Variants in KRIT1 observed in about 807,000 individuals in gnomAD.
KRIT1 encodes the protein krev interaction trapped protein 1.
Under a neutral mutation model 95.8 loss-of-function variants are expected in KRIT1, and 45 were observed. That is an observed-to-expected ratio of 0.47 (90% CI 0.37 to 0.60). KRIT1 has a LOEUF of 0.60. Ranked by LOEUF, KRIT1 falls within the 20% of genes least tolerant of loss-of-function variation. KRIT1 has a pLI of 0.00. For missense variants in KRIT1, 788 were observed against 877.5 expected (o/e 0.90, Z 1.29); for synonymous variants, 282 against 278.8 (o/e 1.01, Z -0.11).
chr7:92,211,447 T>C (rs879716083), intron 17 of KRIT1, among the ~76,000 whole-genome samples: 2 of 152,184 alleles, frequency 1.3e-5, no homozygotes, highest in Non-Finnish European at 2.9e-5. Flanking sequence ...TATGTTCTCA[T>C]ATACGTGAGA....
chr7:92,241,338 T>A (rs981848620), intron 4 of KRIT1, among the ~76,000 whole-genome samples, 186 bp from the exon 5 acceptor site: 2 of 152,154 alleles, frequency 1.3e-5, no homozygotes, highest in South Asian at 4.1e-4. Flanking sequence ...GTTCTTACAG[T>A]TTTAAGATGC....
At chr7:92,215,212 T>C (rs993283147) in intron 14 of KRIT1, among the ~76,000 whole-genome samples, 1 of 152,194 alleles carries the variant, frequency 6.6e-6, no homozygotes, top group Non-Finnish European at 1.5e-5. Context: ...GCTGACCTGG[T>C]TGTCTAACAA....
rs1193658097 is a variant in KRIT1, at chr7:92,213,130, G to A, written c.2025+65C>T. The A allele has an allele frequency of 6.5e-6, 7 of 1,076,314 alleles. No individual in the cohort carries two copies. In the African/African-American group the frequency reaches 9.3e-5, roughly 14 times the overall value. The allele number at this position is 1,076,314 out of a possible 1,614,324, so 66.7% of individuals were successfully genotyped here. On this transcript the variant is annotated intron_variant, in intron 17 of 18. Coordinates refer to ENST00000394505, the MANE Select transcript of KRIT1 (RefSeq NM_194454.3). ...TATATGCCATTTCTAAATTCTTCAT[G>A]TAGGTTGGTACTGTTGTTTTAACTA...
chr7:92,216,745 C>T (rs1044602413), intron 14 of KRIT1, among the ~76,000 whole-genome samples: 1 of 151,964 alleles, frequency 6.6e-6, no homozygotes, highest in Non-Finnish European at 1.5e-5. Context: ...TTTTAATATG[C>T]CTATGGCTTT....
rs751635299 is a variant in KRIT1 at position 92,235,656 on chromosome 7, TA to T, written c.486-11del. ...ACGTTCATCTAACCACCTGGCAAAA[TA>T]AAAAAACAGGTAGAAGTAGCCATTC... On this transcript the variant is annotated splice_polypyrimidine_tract_variant and intron_variant, in intron 7 of 18. Coordinates refer to ENST00000394505, the MANE Select transcript of KRIT1 (RefSeq NM_194454.3). 1.2e-6 allele frequency: 2 copies of T among 1,613,096 alleles called. No individual in the cohort carries two copies. The highest frequency in any genetic ancestry group is 2.2e-5 in the East Asian group (1 of 44,836).
At chr7:92,246,065 T>G (rs1800950114), upstream of KRIT1, 1 of 279,102 alleles carries the variant, frequency 3.6e-6, no homozygotes, top group Admixed American at 6.1e-5. Context: ...GAGACTAGGG[T>G]GGTGGCGGTG....
At chr7:92,224,717 T>C (rs1304602024) in intron 12 of KRIT1, among the ~76,000 whole-genome samples, 1 of 152,198 alleles carries the variant, frequency 6.6e-6, no homozygotes, top group African/African-American at 2.4e-5. Flanking sequence ...TGGAAACACC[T>C]ATTTTACTTT....
intron 4 of KRIT1, among the ~76,000 whole-genome samples, chr7:92,241,526 T>C (rs1230568614): frequency 1.3e-5 from 2 of 152,138 alleles, no homozygotes; most frequent in Admixed American, 6.5e-5. Context: ...TTGAAATCTG[T>C]TGCATAAAAA....
intron 13 of KRIT1, 62 bp downstream of exon 13, chr7:92,222,760 T>C: frequency 1.0e-6 from 1 of 994,166 alleles, no homozygotes. Context: ...TTGTATTTTC[T>C]ACCAACCCAC....
chr7:92,202,735 TAAAA>T (rs1470246079), intron 17 of KRIT1, among the ~76,000 whole-genome samples: 2 of 152,070 alleles, frequency 1.3e-5, no homozygotes, highest in African/African-American at 2.4e-5. Context: ...AATAAATAAA[TAAAA>T]TAAATAAAGT....
chr7:92,240,865 T>A (rs1799465422), intron 5 of KRIT1, 128 bp downstream of exon 5: 3 of 798,544 alleles, frequency 3.8e-6, no homozygotes, highest in East Asian at 5.3e-5. Context: ...AACACTTGAG[T>A]TTTTTTGCAA....
chr7:92,216,352 T>C (rs1157564507), intron 14 of KRIT1, among the ~76,000 whole-genome samples: 2 of 150,464 alleles, frequency 1.3e-5, no homozygotes, highest in African/African-American at 4.9e-5. Context: ...TACTCTATTA[T>C]TAAATATTAA....
At chr7:92,229,861 CT>C (rs1171565686) in intron 10 of KRIT1, among the ~76,000 whole-genome samples, 1 of 152,092 alleles carries the variant, frequency 6.6e-6, no homozygotes, top group Non-Finnish European at 1.5e-5. Context: ...AGATAAGTGA[CT>C]GAAATGTTTA....
chr7:92,229,210 GTA>G (rs1339535085), intron 10 of KRIT1, among the ~76,000 whole-genome samples: 1 of 152,166 alleles, frequency 6.6e-6, no homozygotes, highest in Non-Finnish European at 1.5e-5. Flanking sequence ...CCCACCAACA[GTA>G]TATAAGCGTT....
At position 92,241,029 on chromosome 7, in the gene KRIT1, T is replaced by A; in HGVS notation, c.226A>T (p.Thr76Ser). ...TGGTTTGCAGGAGAAATTGGTTTGG[T>A]GGTTTCTACTACGTAATCCAATATG... ...QGILDYVVET[T>S]KPISPANQGI... The change falls in exon 5 of 19, where the codon ACC becomes TCC. Residue 76 changes from threonine (T) to serine (S), a missense_variant. Thr to Ser is a moderately conservative substitution (Grantham distance 58, BLOSUM62 1). Transcript: ENST00000394505. The A allele has an allele frequency of 1.2e-6, 2 of 1,613,068 alleles. No homozygotes were observed. The highest frequency in any genetic ancestry group is 1.7e-6 in the Non-Finnish European group (2 of 1,179,026).
chr7:92,246,036 G>A (rs1563337676), upstream of KRIT1: 1 of 266,866 alleles, frequency 3.7e-6, no homozygotes, highest in Non-Finnish European at 7.3e-6. Flanking sequence ...TCTCTCAGGG[G>A]CTGGTGGCAG....
intron 12 of KRIT1, among the ~76,000 whole-genome samples, chr7:92,224,243 TGTTA>T (rs1428867350): frequency 2.0e-5 from 3 of 152,242 alleles, no homozygotes; most frequent in African/African-American, 7.2e-5. Context: ...GGGTTATATC[TGTTA>T]GTATAAACCC....
At chr7:92,218,766 C>T (rs548533495) in intron 14 of KRIT1, among the ~76,000 whole-genome samples, 1 of 152,142 alleles carries the variant, frequency 6.6e-6, no homozygotes, top group East Asian at 1.9e-4. Context: ...CTATGATTTG[C>T]TAATATTTTC....
chr7:92,213,793 G>T, intron 16 of KRIT1, 99 bp downstream of exon 16: 1 of 756,526 alleles, frequency 1.3e-6, no homozygotes, highest in Non-Finnish European at 2.4e-6. Flanking sequence ...TTAATTTCAG[G>T]ACTATAAATT....
Sources: allele counts gnomAD v4.1 joint callset (sites outside exome capture counted in the v4.1 genomes callset), GRCh38; gene constraint gnomAD v4.1.1; transcripts MANE v1.5; gene names NCBI Gene and HGNC (gene_info 2026-07-23, HGNC 2026-07-21).